The following HPGDS variants were observed in gnomAD, a reference collection of about 807,000 sequenced individuals.
The protein encoded by HPGDS is hematopoietic prostaglandin D synthase, also known as GST class-sigma.
A neutral mutation model predicts 23.1 loss-of-function variants in HPGDS; 26 were observed. The ratio of observed to expected loss-of-function variants is 1.13; its 90% confidence interval spans 0.83 to 1.56. The LOEUF is 1.56. HPGDS is among the 40% of genes most tolerant of loss of function. The pLI, the probability that HPGDS is intolerant of heterozygous loss-of-function variation, is 0.00. For synonymous variants in HPGDS, 95 were observed against 77.9 expected (o/e 1.22, Z -1.16); for missense variants, 268 against 236.4 (o/e 1.13, Z -0.88).
At chr4:94,340,309 C>CTTTCTTTCTTTCTTTCTTTCTTTCTT (rs1560597992) in intron 1 of HPGDS, among the ~76,000 whole-genome samples, 6 of 28,764 alleles carry the variant, frequency 2.1e-4, no homozygotes, top group Non-Finnish European at 3.2e-4. Context: ...TTCTTTCTTT[C>CTTTCTTTCTTTCTTTCTTTCTTTCTT]TCTTTTTTTT....
At chr4:94,302,317 T>G in intron 4 of HPGDS, 73 bp from the exon 5 acceptor site, 1 of 1,000,310 alleles carries the variant, frequency 1.0e-6, no homozygotes, top group South Asian at 1.5e-5. Flanking sequence ...GGAAGTAGAT[T>G]TCTCCATCTT....
chr4:94,338,005 C>T (rs1721058576), intron 1 of HPGDS, among the ~76,000 whole-genome samples: 1 of 152,202 alleles, frequency 6.6e-6, no homozygotes, highest in Admixed American at 6.5e-5. Flanking sequence ...AGTTGTAACT[C>T]ATTAATGAAG....
intron 4 of HPGDS, among the ~76,000 whole-genome samples, chr4:94,305,910 G>A (rs534330276): frequency 1.9e-4 from 29 of 152,168 alleles, no homozygotes; most frequent in African/African-American, 6.5e-4. Flanking sequence ...TCTGTCAGTT[G>A]TGTGACTTTG....
chr4:94,303,597 T>G (rs1756086463), intron 4 of HPGDS, among the ~76,000 whole-genome samples: 1 of 152,128 alleles, frequency 6.6e-6, no homozygotes, highest in Non-Finnish European at 1.5e-5. Context: ...AAAGAAAACA[T>G]TAGTTATGAG....
intron 2 of HPGDS, among the ~76,000 whole-genome samples, chr4:94,330,336 TACAGATGC>T (rs1213837816): frequency 2.6e-5 from 4 of 152,136 alleles, no homozygotes; most frequent in Non-Finnish European, 5.9e-5. Flanking sequence ...TAGTTAGAGG[TACAGATGC>T]ATGAATTAAA....
intron 2 of HPGDS, among the ~76,000 whole-genome samples, chr4:94,319,875 T>A (rs1030132725): frequency 2.1e-4 from 32 of 152,322 alleles, no homozygotes; most frequent in African/African-American, 7.0e-4. Flanking sequence ...ACTCATCATT[T>A]ACATTAGGTA....
At chr4:94,332,457 C>T (rs953887758) in intron 2 of HPGDS, among the ~76,000 whole-genome samples, 5 of 152,264 alleles carry the variant, frequency 3.3e-5, no homozygotes, top group Non-Finnish European at 5.9e-5. Flanking sequence ...TAACACACCG[C>T]TGTCCATGGA....
intron 4 of HPGDS, among the ~76,000 whole-genome samples, chr4:94,304,850 G>A (rs1357570241): frequency 6.6e-6 from 1 of 151,980 alleles, no homozygotes; most frequent in Non-Finnish European, 1.5e-5. Flanking sequence ...ATTTTCCTCT[G>A]GGAGGTGGTC....
intron 2 of HPGDS, among the ~76,000 whole-genome samples, chr4:94,321,969 A>G (rs1306019854): frequency 6.6e-6 from 1 of 152,204 alleles, no homozygotes; most frequent in Non-Finnish European, 1.5e-5. Flanking sequence ...AGTTTTTAGC[A>G]TGAAGGGCTG....
At chr4:94,333,759 C>T (rs778019234) in intron 2 of HPGDS, among the ~76,000 whole-genome samples, 3 of 152,202 alleles carry the variant, frequency 2.0e-5, no homozygotes, top group Non-Finnish European at 4.4e-5. Flanking sequence ...TCAAAGCTAA[C>T]AGGCAAAATT....
intron 3 of HPGDS, among the ~76,000 whole-genome samples, chr4:94,317,542 T>G (rs928833076): frequency 2.6e-5 from 4 of 152,104 alleles, no homozygotes; most frequent in Admixed American, 1.3e-4. Flanking sequence ...GCTAAGTAAT[T>G]TTCTCTAATA....
At chr4:94,326,865 C>G (rs1756640259) in intron 2 of HPGDS, among the ~76,000 whole-genome samples, 1 of 151,846 alleles carries the variant, frequency 6.6e-6, no homozygotes, top group African/African-American at 2.4e-5. Flanking sequence ...TGTAGGGAAA[C>G]CCTTTTTCCT....
At chr4:94,329,147 T>A (rs1182969378) in intron 2 of HPGDS, among the ~76,000 whole-genome samples, 1 of 152,216 alleles carries the variant, frequency 6.6e-6, no homozygotes, top group East Asian at 1.9e-4. Context: ...GAGAGGTTTT[T>A]TTTTGTGCTA....
chr4:94,324,233 A>G (rs1321498524), intron 2 of HPGDS, among the ~76,000 whole-genome samples: 1 of 151,892 alleles, frequency 6.6e-6, no homozygotes, highest in Non-Finnish European at 1.5e-5. Context: ...TGACGATTAC[A>G]TGTCTTGGAG....
intron 1 of HPGDS, among the ~76,000 whole-genome samples, chr4:94,341,522 A>T (rs1001377197): frequency 6.6e-6 from 1 of 152,224 alleles, no homozygotes; most frequent in African/African-American, 2.4e-5. Context: ...TTAGATAGAA[A>T]ACTTACAAAT....
At chr4:94,312,105 A>AT (rs1756287052) in intron 3 of HPGDS, among the ~76,000 whole-genome samples, 6 of 152,048 alleles carry the variant, frequency 3.9e-5, no homozygotes, top group South Asian at 2.1e-4. Flanking sequence ...GGATTCATTG[A>AT]TTTTTTGAAG....
rs868384866 is a variant in HPGDS, at chr4:94,327,818, T to G, written c.133+6679A>C. Among the ~76,000 whole-genome samples the G allele has an allele frequency of 9.8e-5, 15 of 152,334 alleles. No individual in the cohort carries two copies. The Middle Eastern group carries it at 0.02, about 207-fold the overall frequency. The stretch of plus-strand genomic sequence containing the variant: ...TTAAGTGAAGCCAGCATTGCAATGC[T>G]GCAGCCCTCTGGGTTGTTGTGGGGG... On this transcript the variant is annotated intron_variant, in intron 2 of 5. Coordinates refer to ENST00000295256, the MANE Select transcript of HPGDS (RefSeq NM_014485.3).
intron 1 of HPGDS, among the ~76,000 whole-genome samples, chr4:94,335,721 ACAG>A (rs1178882847): frequency 6.6e-6 from 1 of 152,234 alleles, no homozygotes; most frequent in Non-Finnish European, 1.5e-5. Flanking sequence ...CACTATGAAT[ACAG>A]CACACTAAAG....
rs780840282 is a variant in HPGDS, at chr4:94,334,498, T to G, written c.132A>C (p.Ser44=). ...IEQADWPEIK[S]TLPFGKIPIL... The stretch of plus-strand genomic sequence containing the variant: ...ACATTTATTATTTTTGCTACTTACT[T>G]GATTTGATTTCAGGCCAGTCAGCTT... Residue 44 remains serine (S), a splice_region_variant and synonymous_variant, in exon 2 of 6, where the codon TCA becomes TCC. Coordinates refer to ENST00000295256, the MANE Select transcript of HPGDS (RefSeq NM_014485.3). The G allele has an allele frequency of 1.3e-6, 2 of 1,592,802 alleles. No individual in the cohort carries two copies. Among genetic ancestry groups the G allele is most frequent in the South Asian group, 1.2e-5 (1 of 85,946 alleles).
Sources: gnomAD v4.1 joint callset for allele counts (sites outside exome capture counted in the v4.1 genomes callset) on GRCh38, gnomAD v4.1.1 for gene constraint, MANE v1.5 for transcripts, NCBI Gene and HGNC (gene_info 2026-07-23, HGNC 2026-07-21) for gene names.